Variants in RAB3C observed in about 807,000 individuals in gnomAD.
RAB3C encodes RAB3C, member RAS oncogene family, also known as ras-related protein Rab-3C.
A neutral mutation model predicts 26.4 loss-of-function variants in RAB3C; 17 were observed. The ratio of observed to expected loss-of-function variants is 0.64; its 90% CI spans 0.44 to 0.97. The LOEUF is 0.97. RAB3C is among the 50% of genes least tolerant of loss of function. The pLI is 0.00. For synonymous variants in RAB3C, 91 were observed against 95.9 expected, an observed-to-expected ratio of 0.95 and a Z score of 0.30; for missense variants, 242 against 281.9, an observed-to-expected ratio of 0.86 and a Z score of 1.01.
chr5:58,807,277 G>T (rs544088070), intron 3 of RAB3C, among the ~76,000 whole-genome samples: 4 of 152,158 alleles, frequency 2.6e-5, no homozygotes, highest in East Asian at 3.9e-4. Flanking sequence ...GACTGAAGGT[G>T]ATCTGTCTCT....
intron 2 of RAB3C, among the ~76,000 whole-genome samples, chr5:58,716,029 TA>T (rs35408476): frequency 0.031 from 3,432 of 110,800 alleles, 139 homozygotes; most frequent in African/African-American, 0.12. Context: ...TAAAGTACAA[TA>T]AAAAAAAAAG....
intron 3 of RAB3C, among the ~76,000 whole-genome samples, chr5:58,805,098 A>C (rs1742906423): frequency 6.6e-6 from 1 of 152,270 alleles, no homozygotes; most frequent in South Asian, 2.1e-4. Context: ...GTACTCATTC[A>C]TTCATTCATT....
chr5:58,755,313 G>A (rs1436350160), intron 3 of RAB3C, among the ~76,000 whole-genome samples: 1 of 152,194 alleles, frequency 6.6e-6, no homozygotes, highest in Non-Finnish European at 1.5e-5. Flanking sequence ...TTGTCTACTT[G>A]CAATTATCAT....
At chr5:58,618,897 A>G (rs565331216) in intron 2 of RAB3C, among the ~76,000 whole-genome samples, 1 of 152,314 alleles carries the variant, frequency 6.6e-6, no homozygotes, top group South Asian at 2.1e-4. Context: ...TGCTGGTGCC[A>G]GGATTGATCA....
intron 3 of RAB3C, among the ~76,000 whole-genome samples, chr5:58,775,311 A>C (rs918357172): frequency 6.6e-6 from 1 of 152,092 alleles, no homozygotes; most frequent in Non-Finnish European, 1.5e-5. Flanking sequence ...GCTTCTCTTC[A>C]GTATCTGAGG....
intron 4 of RAB3C, among the ~76,000 whole-genome samples, chr5:58,831,609 C>T (rs191414096): frequency 7.8e-4 from 118 of 152,222 alleles, no homozygotes; most frequent in Admixed American, 6.3e-3. Flanking sequence ...CTACTTAAGG[C>T]GGTTCTCATC....
intron 3 of RAB3C, among the ~76,000 whole-genome samples, chr5:58,757,928 G>GTT: frequency 7.1e-6 from 1 of 141,368 alleles, no homozygotes; most frequent in Non-Finnish European, 1.6e-5. Flanking sequence ...TTTTGTTGTT[G>GTT]TTGTTGTTTT....
intron 2 of RAB3C, among the ~76,000 whole-genome samples, chr5:58,627,295 C>G (rs1747073343): frequency 6.6e-6 from 1 of 151,904 alleles, no homozygotes; most frequent in Non-Finnish European, 1.5e-5. Flanking sequence ...AGTTATTTTT[C>G]TATTGATTCA....
intron 2 of RAB3C, among the ~76,000 whole-genome samples, chr5:58,653,961 T>C (rs1579839898): frequency 6.6e-6 from 1 of 152,200 alleles, no homozygotes; most frequent in Non-Finnish European, 1.5e-5. Context: ...CTTAAGAATA[T>C]ACAAAGTGTT....
At chr5:58,816,518 G>A (rs761011911) in intron 3 of RAB3C, among the ~76,000 whole-genome samples, 7 of 152,196 alleles carry the variant, frequency 4.6e-5, no homozygotes, top group Non-Finnish European at 7.3e-5. Context: ...AAAGCAAAGA[G>A]ATGCAGATAC....
intron 3 of RAB3C, among the ~76,000 whole-genome samples, chr5:58,793,622 T>G (rs1742580084): frequency 6.9e-6 from 1 of 144,482 alleles, no homozygotes; most frequent in African/African-American, 2.5e-5. Flanking sequence ...AATAAGTAAA[T>G]GTACACACAC....
chr5:58,808,739 G>A (rs10461442), intron 3 of RAB3C, among the ~76,000 whole-genome samples: 23,033 of 152,112 alleles, frequency 0.15, 3,004 homozygotes, highest in African/African-American at 0.36. Flanking sequence ...TTTCTGCTAC[G>A]TGGTGGATGC....
At chr5:58,753,803 C>T (rs1054880560) in intron 3 of RAB3C, among the ~76,000 whole-genome samples, 2 of 152,198 alleles carry the variant, frequency 1.3e-5, no homozygotes, top group African/African-American at 4.8e-5. Flanking sequence ...AAATGGCTGT[C>T]TCAGGGCAGA....
At chr5:58,779,078 TTTAGAG>T (rs1330601661) in intron 3 of RAB3C, among the ~76,000 whole-genome samples, 1 of 152,050 alleles carries the variant, frequency 6.6e-6, no homozygotes, top group Non-Finnish European at 1.5e-5. Context: ...TGTTACTCTT[TTTAGAG>T]AAACCTCTTC....
At chr5:58,632,248 G>A (rs1482958004) in intron 2 of RAB3C, among the ~76,000 whole-genome samples, 1 of 152,232 alleles carries the variant, frequency 6.6e-6, no homozygotes. Context: ...TTGTCTCCCA[G>A]AGGAGTGTCT....
intron 3 of RAB3C, among the ~76,000 whole-genome samples, chr5:58,737,486 A>C (rs1308439457): frequency 7.0e-6 from 1 of 142,972 alleles, no homozygotes; most frequent in African/African-American, 2.6e-5. Context: ...CTGTCTACCT[A>C]ACAAGAATGC....
In RAB3C at chr5:58,744,773, A is replaced by G. The variant is rs1466359929; in HGVS notation, c.371+18653A>G. ...TTCTGTTATGTTTCTCTGGAGAACA[A>G]CAACAACAACAACAAAAGATTCTAT... On this transcript the variant is annotated intron_variant, in intron 3 of 4. Transcript: ENST00000282878. Among the ~76,000 whole-genome samples, 5 of 152,350 alleles carry G rather than the reference A, an allele frequency of 3.3e-5. No homozygotes were observed. The East Asian group carries it at 9.6e-4, about 29-fold the overall frequency.
chr5:58,695,214 G>C (rs1748669508), intron 2 of RAB3C, among the ~76,000 whole-genome samples: 2 of 152,146 alleles, frequency 1.3e-5, no homozygotes, highest in African/African-American at 4.8e-5. Context: ...TGTCAGATTT[G>C]TCAAAGATCA....
At chr5:58,795,065 A>T (rs1480839298) in intron 3 of RAB3C, among the ~76,000 whole-genome samples, 1 of 152,180 alleles carries the variant, frequency 6.6e-6, no homozygotes, top group African/African-American at 2.4e-5. Flanking sequence ...TATTTGAACC[A>T]TGGGGGCGGG....
Sources: gnomAD v4.1 joint callset for allele counts (sites outside exome capture counted in the v4.1 genomes callset) on GRCh38, gnomAD v4.1.1 for gene constraint, MANE v1.5 for transcripts, NCBI Gene and HGNC (gene_info 2026-07-23, HGNC 2026-07-21) for gene names.